The following SVIL variants were observed in gnomAD, a reference collection of about 807,000 sequenced individuals.
SVIL encodes archvillin.
A neutral mutation model predicts 240.4 loss-of-function variants in SVIL; 101 were observed. The observed-to-expected ratio is 0.42, with a 90% CI of 0.36 to 0.50. The LOEUF (loss-of-function observed/expected upper bound fraction) is 0.50. SVIL is among the 20% of genes least tolerant of loss of function. The pLI is 0.01. For missense variants in SVIL, 2,512 were observed against 2,818.7 expected (o/e 0.89, Z 2.46); for synonymous variants, 999 against 1,100.0 (o/e 0.91, Z 1.82).
At chr10:29,624,452 C>A (rs1416221287) in intron 1 of SVIL, among the ~76,000 whole-genome samples, 1 of 152,160 alleles carries the variant, frequency 6.6e-6, no homozygotes, top group East Asian at 1.9e-4. Flanking sequence ...GCAGAAGAAT[C>A]ACCTGAATGT....
At position 29,488,377 on chromosome 10, in the gene SVIL, C is replaced by G. The variant is rs10826644; in HGVS notation, c.4348+224G>C. Among the ~76,000 whole-genome samples, 5 of 151,878 alleles carry G rather than the reference C, an allele frequency of 3.3e-5. 1 individual carries two copies. The highest frequency in any genetic ancestry group is 1.2e-4 in the African/African-American group (5 of 41,300). On this transcript the variant is annotated intron_variant, in intron 23 of 37. Transcript: ENST00000355867. ...CCAGTAGCTGCTGGGACTCCAGACA[C>G]GTTCCTGCCTCTGGAAGCCCTGGTG...
intron 6 of SVIL, chr10:29,544,886 C>T: frequency 2.4e-6 from 1 of 423,572 alleles, no homozygotes; most frequent in South Asian, 1.7e-5. Context: ...TGGCAGGGAG[C>T]ACAGGTGTTT....
intron 6 of SVIL, among the ~76,000 whole-genome samples, chr10:29,548,552 T>C (rs1358394064): frequency 1.3e-5 from 2 of 152,252 alleles, no homozygotes; most frequent in South Asian, 2.1e-4. Context: ...AAATGGCAGC[T>C]GCTCTTATCT....
intron 6 of SVIL, among the ~76,000 whole-genome samples, chr10:29,544,705 A>T (rs999657444): frequency 4.3e-5 from 6 of 139,102 alleles, no homozygotes; most frequent in Non-Finnish European, 7.8e-5. Flanking sequence ...CTGCAGTGAG[A>T]TTGTGCTACT....
chr10:29,734,236 G>A (rs1203240349), intron 1 of SVIL, among the ~76,000 whole-genome samples: 1 of 152,160 alleles, frequency 6.6e-6, no homozygotes, highest in Non-Finnish European at 1.5e-5. Context: ...TATACATTAA[G>A]TTTTAAATAT....
chr10:29,647,862 T>C (rs758678028), intron 3 of SVIL, among the ~76,000 whole-genome samples: 1 of 152,134 alleles, frequency 6.6e-6, no homozygotes, highest in Non-Finnish European at 1.5e-5. Context: ...GCTAGATACT[T>C]TCTGATTTTT....
chr10:29,457,949 C>A lies in SVIL; in HGVS notation c.*298G>T. On this transcript the variant is annotated 3_prime_UTR_variant, in exon 38 of 38. Coordinates refer to ENST00000355867, the MANE Select transcript of SVIL (RefSeq NM_021738.3). ...CAAAAAAAAAAAAAAAAGGCATTGC[C>A]TAGCTGGAACAAGAAGGCAGTGCTA... 4.8e-6 allele frequency: 1 copy of A among 210,092 alleles called. No individual in the cohort carries two copies. The highest frequency in any genetic ancestry group is 9.3e-6 in the Non-Finnish European group (1 of 107,940). The allele number at this position is 210,092 out of a possible 1,614,324, so 13.0% of individuals were successfully genotyped here. A position where few individuals can be genotyped will look rare whatever the true frequency, so the allele number is the denominator to read the frequency against.
intron 1 of SVIL, among the ~76,000 whole-genome samples, chr10:29,621,761 G>A (rs1957651016): frequency 6.6e-6 from 1 of 152,144 alleles, no homozygotes; most frequent in South Asian, 2.1e-4. Context: ...TAGCCCAAGA[G>A]TTCTCATCCT....
chr10:29,470,129 A>AGGCCCCTGAC (rs1945387000), intron 32 of SVIL, 147 bp downstream of exon 32: 1 of 851,392 alleles, frequency 1.2e-6, no homozygotes, highest in East Asian at 2.6e-5. Context: ...GGAATGTCAG[A>AGGCCCCTGAC]GGCCCCTGAC....
chr10:29,713,013 C>T (rs956886412), intron 1 of SVIL, among the ~76,000 whole-genome samples: 4 of 152,004 alleles, frequency 2.6e-5, no homozygotes, highest in Admixed American at 1.3e-4. Context: ...CCCGTCTCTA[C>T]TAAAAATACA....
chr10:29,599,060 T>C (rs1033411862), intron 1 of SVIL, among the ~76,000 whole-genome samples: 2 of 152,220 alleles, frequency 1.3e-5, no homozygotes, highest in Admixed American at 1.3e-4. Flanking sequence ...TTTCTTTTTT[T>C]ACTGATGCAA....
chr10:29,522,678 A>G, intron 15 of SVIL, 43 bp from the exon 16 acceptor site: 1 of 1,591,096 alleles, frequency 6.3e-7, no homozygotes, highest in Non-Finnish European at 8.6e-7. Flanking sequence ...CTCCTCAGGC[A>G]AACATTCTTC....
chr10:29,656,169 G>A (rs900100446), intron 3 of SVIL, among the ~76,000 whole-genome samples: 1 of 151,370 alleles, frequency 6.6e-6, no homozygotes, highest in African/African-American at 2.4e-5. Flanking sequence ...GTGCCTGGCC[G>A]AGTGTGAGTG....
At chr10:29,531,173 C>A in intron 10 of SVIL, 81 bp downstream of exon 10, 1 of 1,441,498 alleles carries the variant, frequency 6.9e-7, no homozygotes. Flanking sequence ...ATCTTACTCT[C>A]TCAAAAAGCC....
intron 1 of SVIL, among the ~76,000 whole-genome samples, chr10:29,606,754 T>G (rs909535597): frequency 6.6e-6 from 1 of 152,124 alleles, no homozygotes; most frequent in African/African-American, 2.4e-5. Context: ...CATTTAACTA[T>G]TTTTTTATTT....
chr10:29,505,596 G>A (rs1297537189), intron 17 of SVIL, among the ~76,000 whole-genome samples: 2 of 152,164 alleles, frequency 1.3e-5, no homozygotes, highest in Admixed American at 6.5e-5. Context: ...TAGTGTAACG[G>A]TGGACATATG....
rs1260984013 is a variant in SVIL, at chr10:29,486,499, T to C, written c.4544A>G (p.Tyr1515Cys). Residue 1515 changes from tyrosine (Y) to cysteine (C), a missense_variant, in exon 25 of 38, where the codon TAT becomes TGT. This residue lies in a region of SVIL where 797 missense variants were observed against 925.3 expected (regional missense o/e 0.86). Coordinates refer to ENST00000355867, the MANE Select transcript of SVIL (RefSeq NM_021738.3). ...AATTCCTTCTTCAATGGTTTGGATA[T>C]AAGTAGCTCTACAACCAAGTTCCCT... is the stretch of plus-strand genomic sequence containing the variant. ...TKRELGCRAT[Y>C]IQTIEEGINT... is the part of the protein sequence containing the mutation. 8 of 1,614,182 alleles carry C rather than the reference T, an allele frequency of 5.0e-6. No individual in the cohort carries two copies. The highest frequency in any genetic ancestry group is 6.8e-6 in the Non-Finnish European group (8 of 1,180,034).
intron 1 of SVIL, among the ~76,000 whole-genome samples, chr10:29,587,096 T>C (rs919705561): frequency 1.3e-5 from 2 of 152,230 alleles, no homozygotes; most frequent in Admixed American, 1.3e-4. Flanking sequence ...TAAGCCCTGA[T>C]ACAGAACTGA....
At chr10:29,531,565 A>T (rs1279020868) in intron 9 of SVIL, among the ~76,000 whole-genome samples, 1 of 152,218 alleles carries the variant, frequency 6.6e-6, no homozygotes, top group African/African-American at 2.4e-5. Context: ...TTTCCAGACA[A>T]ATCTTACCAT....
Sources: allele counts gnomAD v4.1 joint callset (sites outside exome capture counted in the v4.1 genomes callset), GRCh38; gene constraint gnomAD v4.1.1; regional missense constraint gnomAD v4.1.1; transcripts MANE v1.5; gene names NCBI Gene and HGNC (gene_info 2026-07-23, HGNC 2026-07-21).